CAVIN1: variants seen among roughly 807,000 people sequenced by gnomAD.
CAVIN1 encodes caveolae associated protein 1, also known as caveolae-associated protein 1.
In CAVIN1, 16 loss-of-function variants were observed where a neutral mutation model predicts 24.0. The observed-to-expected ratio is 0.67, with a 90% CI of 0.45 to 1.01. The LOEUF is 1.01. CAVIN1 is among the 50% of genes least tolerant of loss of function. CAVIN1 has a pLI of 0.00. For missense variants in CAVIN1, 510 were observed against 551.7 expected (o/e 0.92, Z 0.76); for synonymous variants, 256 against 256.4 (o/e 1.00, Z 0.02).
chr17:42,419,740 G>C (rs916186199), intron 1 of CAVIN1, among the ~76,000 whole-genome samples: 1 of 152,200 alleles, frequency 6.6e-6, no homozygotes, highest in Admixed American at 6.5e-5. Context: ...TGCTAGCCAA[G>C]TGTCGCCTGA....
chr17:42,417,699 C>G (rs902291869), intron 1 of CAVIN1, among the ~76,000 whole-genome samples: 1 of 152,100 alleles, frequency 6.6e-6, no homozygotes, highest in Admixed American at 6.5e-5. Flanking sequence ...CTATACTATA[C>G]TATTTTTTTG....
Position 42,404,931 on chromosome 17 carries a change from C to T in CAVIN1, c.929G>A (p.Arg310His), listed in dbSNP as rs1315498671. The stretch of plus-strand genomic sequence containing the variant: ...CACCTTGTAGACCGCGGTCTTGGAG[C>T]GCGCGTACACCACGTGGTCGGGCGT... ...SFTPDHVVYARSKTAVYKVPP... is the reference protein window; with the variant it reads ...SFTPDHVVYAHSKTAVYKVPP... The change falls in exon 2 of 2, where the codon CGC becomes CAC. Residue 310 changes from arginine to histidine, a missense_variant. Coordinates refer to ENST00000357037, the MANE Select transcript of CAVIN1 (RefSeq NM_012232.6). The T allele has an allele frequency of 6.2e-7, 1 of 1,614,034 alleles. No homozygotes were observed. The highest frequency in any genetic ancestry group is 8.5e-7 in the Non-Finnish European group (1 of 1,179,956).
intron 1 of CAVIN1, 24 bp downstream of exon 1, chr17:42,422,603 G>C: frequency 4.6e-6 from 7 of 1,538,236 alleles, no homozygotes; most frequent in Non-Finnish European, 6.2e-6. Flanking sequence ...GGAGCTCTGG[G>C]CGCCTTCCGC....
chr17:42,418,419 C>CG (rs2085525477), intron 1 of CAVIN1, among the ~76,000 whole-genome samples: 2 of 151,774 alleles, frequency 1.3e-5, no homozygotes, highest in Non-Finnish European at 1.5e-5. Flanking sequence ...TTAGTAGAGA[C>CG]GGGGTTTCTC....
chr17:42,418,479 C>T (rs576306584), intron 1 of CAVIN1, among the ~76,000 whole-genome samples: 64 of 152,254 alleles, frequency 4.2e-4, no homozygotes, highest in African/African-American at 1.5e-3. Context: ...GATCCGCCCG[C>T]CTCAGCCTCC....
intron 1 of CAVIN1, among the ~76,000 whole-genome samples, chr17:42,414,749 ACAAAGCAGCAGGTCCCAACCTC>A (rs529759506): frequency 2.7e-4 from 41 of 152,258 alleles, no homozygotes; most frequent in South Asian, 2.7e-3. Flanking sequence ...TCTCAAAAAA[ACAAAGCAGCAGGTCCCAACCTC>A]CCCTGCAGGG....
intron 1 of CAVIN1, among the ~76,000 whole-genome samples, chr17:42,421,591 C>T (rs891382553): frequency 6.6e-6 from 1 of 152,116 alleles, no homozygotes; most frequent in Non-Finnish European, 1.5e-5. Context: ...GATGGCACTG[C>T]GGAAGCGGCG....
Position 42,404,661 on chromosome 17 carries a change from A to C in CAVIN1, c.*26T>G. ...AGAGGAAGTTCGGAAGGAGCGAGGA[A>C]TGGGGTGGGTGGCAGCGGGGGCGGC... On this transcript the variant is annotated 3_prime_UTR_variant, in exon 2 of 2. Transcript: ENST00000357037. The C allele has an allele frequency of 2.9e-6, 4 of 1,360,448 alleles. No homozygotes were observed. Among genetic ancestry groups the C allele is most frequent in the East Asian group, 2.7e-5 (1 of 36,394 alleles). The allele number at this position is 1,360,448 out of a possible 1,614,324, so 84.3% of individuals were successfully genotyped here.
At chr17:42,406,159 T>C (rs2145472961) in intron 1 of CAVIN1, among the ~76,000 whole-genome samples, 1 of 152,148 alleles carries the variant, frequency 6.6e-6, no homozygotes. Flanking sequence ...CCGTAGATGA[T>C]ATTAAACCAC....
At position 42,422,687 on chromosome 17, in the gene CAVIN1, C is replaced by T. The variant is rs893922689; in HGVS notation, c.411G>A (p.Lys137=). Residue 137 remains lysine, a synonymous_variant, in exon 1 of 2, where the codon AAG becomes AAA. Coordinates refer to ENST00000357037, the MANE Select transcript of CAVIN1 (RefSeq NM_012232.6). ...SLERQAGQIK[K]LEVNEAELLR... ...GCAGCTCGGCCTCGTTGACCTCCAG[C>T]TTCTTGATCTGCCCCGCCTGGCGCT... 6.2e-7 allele frequency: 1 copy of T among 1,607,244 alleles called. No individual in the cohort carries two copies. Among genetic ancestry groups the T allele is most frequent in the Admixed American group, 1.7e-5 (1 of 58,968 alleles).
At chr17:42,422,493 G>T in intron 1 of CAVIN1, 134 bp downstream of exon 1, 1 of 618,604 alleles carries the variant, frequency 1.6e-6, no homozygotes, top group Non-Finnish European at 2.8e-6. Context: ...CCGGAAGGAG[G>T]GTGGATCTGC....
rs368628511 is a variant in CAVIN1 at position 42,415,164 on chromosome 17, T to G, written c.471+7463A>C. ...GTGCAACTAACTCCCTCAGCAAGTG[T>G]CGGAGCCACAGCTAGCCCTAGCTTT... On this transcript the variant is annotated intron_variant, in intron 1 of 1. Coordinates refer to ENST00000357037, the MANE Select transcript of CAVIN1 (RefSeq NM_012232.6). Among the ~76,000 whole-genome samples, 6 of 152,058 alleles carry G rather than the reference T, an allele frequency of 3.9e-5. No individual in the cohort carries two copies. In the East Asian group the frequency reaches 5.8e-4, roughly 15 times the overall value.
Position 42,405,101 on chromosome 17 carries a change from C to G in CAVIN1, c.759G>C (p.Glu253Asp). Residue 253 changes from glutamate to aspartate, a missense_variant, in exon 2 of 2, where the codon GAG becomes GAC. Transcript: ENST00000357037. ...TTTCCTTGGTCTTGAGGCGCGTCTT[C>G]TCCAGGTTCTCGCGGGTACGCACCT... ...KTKVRTRENL[E>D]KTRLKTKENL... The G allele has an allele frequency of 6.2e-7, 1 of 1,614,070 alleles. No individual in the cohort carries two copies. Among genetic ancestry groups the G allele is most frequent in the Non-Finnish European group, 8.5e-7 (1 of 1,180,000 alleles).
intron 1 of CAVIN1, among the ~76,000 whole-genome samples, chr17:42,415,667 C>T (rs1032949214): frequency 1.3e-5 from 2 of 151,984 alleles, no homozygotes; most frequent in African/African-American, 4.8e-5. Context: ...GCCGTGACAG[C>T]TGCCACTACA....
intron 1 of CAVIN1, among the ~76,000 whole-genome samples, chr17:42,418,629 G>A (rs2085527085): frequency 6.6e-6 from 1 of 152,120 alleles, no homozygotes; most frequent in South Asian, 2.1e-4. Flanking sequence ...AATACAGTTA[G>A]ATAGAAGGAA....
At chr17:42,409,532 G>A (rs1368680508) in intron 1 of CAVIN1, among the ~76,000 whole-genome samples, 1 of 152,172 alleles carries the variant, frequency 6.6e-6, no homozygotes, top group Non-Finnish European at 1.5e-5. Flanking sequence ...TTGGTGGAAG[G>A]TCAGGGGACA....
intron 1 of CAVIN1, among the ~76,000 whole-genome samples, chr17:42,414,989 C>G (rs753718256): frequency 1.3e-5 from 2 of 151,636 alleles, no homozygotes; most frequent in Non-Finnish European, 2.9e-5. Context: ...CTCTCCCCTC[C>G]CACTGTCACC....
intron 1 of CAVIN1, among the ~76,000 whole-genome samples, chr17:42,418,931 C>T (rs115280239): frequency 2.3e-4 from 35 of 152,232 alleles, no homozygotes; most frequent in African/African-American, 8.4e-4. Context: ...GTAGCTCATG[C>T]CTGTAGTCTC....
rs111273748 is a variant in CAVIN1 at position 42,413,566 on chromosome 17, G to A, written c.472-8178C>T. Among the ~76,000 whole-genome samples, 425 of 56,938 alleles carry A rather than the reference G, an allele frequency of 7.5e-3. 10 individuals carry two copies. Among genetic ancestry groups the A allele is most frequent in the Middle Eastern group, 0.032 (2 of 62 alleles). 37.4% of individuals were successfully genotyped at this position (56,938 alleles called of 152,430 possible). ...AGAGCAAAAGTCTGTCTCAAAAAGG[G>A]AAAAAAAAAAAAAAAAAAAAAAAAA... is the stretch of plus-strand genomic sequence containing the variant. On this transcript the variant is annotated intron_variant, in intron 1 of 1. Coordinates refer to ENST00000357037, the MANE Select transcript of CAVIN1 (RefSeq NM_012232.6).
Sources: gnomAD v4.1 joint callset for allele counts (sites outside exome capture counted in the v4.1 genomes callset) on GRCh38, gnomAD v4.1.1 for gene constraint, MANE v1.5 for transcripts, NCBI Gene and HGNC (gene_info 2026-07-23, HGNC 2026-07-21) for gene names.